The following GUCY1A2 variants were observed in gnomAD, a reference collection of about 807,000 sequenced individuals.
GUCY1A2 encodes guanylate cyclase soluble subunit alpha-2.
In GUCY1A2, 27 loss-of-function variants were observed where a neutral mutation model predicts 63.5. The ratio of observed to expected loss-of-function variants is 0.43; its 90% CI spans 0.31 to 0.59. GUCY1A2 has a LOEUF of 0.59. Ranked by LOEUF, GUCY1A2 falls within the 20% of genes least tolerant of loss-of-function variation. The probability of loss-of-function intolerance (pLI) is 0.11; values close to 1 mark genes in which losing one functional copy is unlikely to be tolerated. For missense variants in GUCY1A2, 768 were observed against 913.3 expected (o/e 0.84, Z 2.05); for synonymous variants, 364 against 343.5 (o/e 1.06, Z -0.66).
At chr11:106,731,159 ATC>A (rs1178724123) in intron 6 of GUCY1A2, among the ~76,000 whole-genome samples, 1 of 152,062 alleles carries the variant, frequency 6.6e-6, no homozygotes, top group African/African-American at 2.4e-5. Context: ...TCCTCATAAA[ATC>A]TTTGCCCAGT....
chr11:106,954,213 CTCTT>C (rs1227625704), intron 3 of GUCY1A2, among the ~76,000 whole-genome samples: 1 of 151,958 alleles, frequency 6.6e-6, no homozygotes, highest in African/African-American at 2.4e-5. Context: ...GGTATGTTGT[CTCTT>C]TGTCATTGGT....
chr11:106,704,865 G>T (rs992687905), intron 7 of GUCY1A2, among the ~76,000 whole-genome samples: 10 of 150,290 alleles, frequency 6.7e-5, no homozygotes, highest in African/African-American at 2.4e-4. Context: ...ATTATATGCA[G>T]TAAAGTAATA....
At chr11:106,861,087 T>C (rs1024462111) in intron 4 of GUCY1A2, among the ~76,000 whole-genome samples, 9 of 151,922 alleles carry the variant, frequency 5.9e-5, no homozygotes, top group African/African-American at 2.2e-4. Flanking sequence ...ACAATGTGCT[T>C]GAGTCCTCGC....
At chr11:106,755,236 CTCTTT>C (rs1863952512) in intron 6 of GUCY1A2, among the ~76,000 whole-genome samples, 2 of 151,926 alleles carry the variant, frequency 1.3e-5, no homozygotes, top group Middle Eastern at 3.4e-3. Context: ...TGATTCTTAT[CTCTTT>C]TCTTATTAGT....
At chr11:106,822,682 G>A (rs1858918862) in intron 4 of GUCY1A2, among the ~76,000 whole-genome samples, 1 of 152,126 alleles carries the variant, frequency 6.6e-6, no homozygotes, top group African/African-American at 2.4e-5. Flanking sequence ...ATTTGAATAA[G>A]TAATACAAAT....
chr11:107,012,357 T>A (rs1427296025), intron 1 of GUCY1A2, among the ~76,000 whole-genome samples: 1 of 149,542 alleles, frequency 6.7e-6, no homozygotes, highest in African/African-American at 2.5e-5. Context: ...AAAAAGAAAA[T>A]GAAAAATTTA....
At chr11:106,907,397 CTTTTTTTTAA>C (rs1206996805) in intron 4 of GUCY1A2, among the ~76,000 whole-genome samples, 5 of 148,372 alleles carry the variant, frequency 3.4e-5, no homozygotes, top group Non-Finnish European at 7.5e-5. Flanking sequence ...CACAGCAATT[CTTTTTTTTAA>C]TTTTATTATT....
At chr11:106,898,020 A>T (rs1447615855) in intron 4 of GUCY1A2, among the ~76,000 whole-genome samples, 6 of 152,196 alleles carry the variant, frequency 3.9e-5, no homozygotes, top group Non-Finnish European at 8.8e-5. Context: ...CAACCCAATT[A>T]AAAAACAGAA....
At chr11:106,858,419 G>C (rs572372015) in intron 4 of GUCY1A2, among the ~76,000 whole-genome samples, 5 of 152,214 alleles carry the variant, frequency 3.3e-5, no homozygotes, top group African/African-American at 1.2e-4. Flanking sequence ...CATATATTTA[G>C]TGAGTTATAT....
intron 7 of GUCY1A2, among the ~76,000 whole-genome samples, chr11:106,703,087 G>T (rs923965624): frequency 3.7e-4 from 56 of 152,144 alleles, no homozygotes; most frequent in Admixed American, 3.7e-3. Flanking sequence ...GATTAGACTG[G>T]TTTAGTCTTC....
At position 106,917,129 on chromosome 11, in the gene GUCY1A2, G is replaced by A. The variant is rs556554327; in HGVS notation, c.1206+22331C>T. ...TTATAAAGAAAATAAACAGAGCACT[G>A]AGACTGGGCTACTTCTATTTCACAT... is the stretch of plus-strand genomic sequence containing the variant. On this transcript the variant is annotated intron_variant, in intron 4 of 7. Transcript: ENST00000526355. Among the ~76,000 whole-genome samples the A allele has an allele frequency of 3.4e-5, 5 of 145,754 alleles. 1 individual carries two copies. The highest frequency in any genetic ancestry group is 1.2e-4 in the African/African-American group (5 of 41,076).
intron 4 of GUCY1A2, among the ~76,000 whole-genome samples, chr11:106,913,014 A>T (rs913281171): frequency 2.6e-5 from 4 of 152,144 alleles, no homozygotes; most frequent in African/African-American, 7.2e-5. Context: ...CTGTGGTGAT[A>T]TTTTCCAAAC....
intron 5 of GUCY1A2, among the ~76,000 whole-genome samples, chr11:106,804,910 G>A (rs1858660500): frequency 6.6e-6 from 1 of 152,076 alleles, no homozygotes; most frequent in African/African-American, 2.4e-5. Context: ...TAGTCCCCTT[G>A]GGCCCACTCA....
At chr11:106,741,666 C>CT (rs1265048936) in intron 6 of GUCY1A2, among the ~76,000 whole-genome samples, 22 of 152,144 alleles carry the variant, frequency 1.4e-4, no homozygotes, top group African/African-American at 5.1e-4. Flanking sequence ...AAACGTAATG[C>CT]TTTTAACAAA....
intron 5 of GUCY1A2, among the ~76,000 whole-genome samples, chr11:106,797,146 C>A (rs1565292937): frequency 1.3e-5 from 2 of 152,108 alleles, no homozygotes; most frequent in Non-Finnish European, 2.9e-5. Context: ...AAGGACTTCT[C>A]TACAATGGTT....
chr11:106,989,484 A>T (rs1861443845), intron 1 of GUCY1A2, among the ~76,000 whole-genome samples: 1 of 152,126 alleles, frequency 6.6e-6, no homozygotes, highest in African/African-American at 2.4e-5. Context: ...AAATAATTAG[A>T]GCAACATCTC....
At chr11:106,932,391 T>A (rs1402908128) in intron 4 of GUCY1A2, among the ~76,000 whole-genome samples, 1 of 151,800 alleles carries the variant, frequency 6.6e-6, no homozygotes, top group African/African-American at 2.4e-5. Context: ...GTGGTTCATT[T>A]AAAAAAAATA....
chr11:106,988,166 A>T (rs1178539073), intron 1 of GUCY1A2, among the ~76,000 whole-genome samples: 3 of 152,212 alleles, frequency 2.0e-5, no homozygotes, highest in Non-Finnish European at 4.4e-5. Context: ...AAAGAGAATG[A>T]ATCAGACATA....
chr11:106,953,819 T>A (rs1860944899), intron 3 of GUCY1A2, among the ~76,000 whole-genome samples: 1 of 152,186 alleles, frequency 6.6e-6, no homozygotes, highest in South Asian at 2.1e-4. Flanking sequence ...TAAAGGTGTT[T>A]ATAGTATTCT....
Sources: allele counts gnomAD v4.1 joint callset (sites outside exome capture counted in the v4.1 genomes callset), GRCh38; gene constraint gnomAD v4.1.1; transcripts MANE v1.5; gene names NCBI Gene and HGNC (gene_info 2026-07-23, HGNC 2026-07-21).